The following SLC45A2 variants were observed in gnomAD, a reference collection of about 807,000 sequenced individuals.
SLC45A2 encodes membrane-associated transporter protein.
In SLC45A2, 36 loss-of-function variants were observed where a neutral mutation model predicts 45.5. The observed-to-expected ratio is 0.79, with a 90% confidence interval of 0.61 to 1.04. The LOEUF is 1.04. Among genes scored for constraint, SLC45A2 ranks in the 50% least tolerant of loss-of-function variants. The pLI, the probability that SLC45A2 is intolerant of heterozygous loss-of-function variation, is 0.00. For missense variants in SLC45A2, 719 were observed against 671.0 expected (o/e 1.07, Z -0.79); for synonymous variants, 306 against 269.3 (o/e 1.14, Z -1.33).
At chr5:33,968,512 T>G (rs1053942224) in intron 2 of SLC45A2, among the ~76,000 whole-genome samples, 4 of 152,192 alleles carry the variant, frequency 2.6e-5, no homozygotes, top group Non-Finnish European at 5.9e-5. Flanking sequence ...CCAGGCTGTG[T>G]TGTCAAACTC....
At chr5:33,963,107 C>G (rs746441615) in intron 3 of SLC45A2, among the ~76,000 whole-genome samples, 1 of 152,074 alleles carries the variant, frequency 6.6e-6, no homozygotes. Flanking sequence ...TTTAAATAGC[C>G]CCACGGGATT....
chr5:33,968,680 C>G (rs1291769139), intron 2 of SLC45A2, among the ~76,000 whole-genome samples: 4 of 152,154 alleles, frequency 2.6e-5, no homozygotes, highest in African/African-American at 4.8e-5. Context: ...AATTGGTAAA[C>G]TGTCAGTACC....
At chr5:33,969,507 C>G (rs1752720223) in intron 2 of SLC45A2, among the ~76,000 whole-genome samples, 1 of 152,094 alleles carries the variant, frequency 6.6e-6, no homozygotes, top group Non-Finnish European at 1.5e-5. Flanking sequence ...TAAGCTGGGC[C>G]AGGATGCCTC....
intron 3 of SLC45A2, among the ~76,000 whole-genome samples, chr5:33,961,662 G>C (rs577205938): frequency 1.3e-5 from 2 of 152,132 alleles, no homozygotes; most frequent in African/African-American, 4.8e-5. Context: ...GCCATTTGTG[G>C]CCACCTTGGA....
intron 3 of SLC45A2, among the ~76,000 whole-genome samples, chr5:33,956,867 T>C (rs1752292459): frequency 3.9e-5 from 6 of 152,202 alleles, no homozygotes; most frequent in Admixed American, 3.3e-4. Flanking sequence ...CTTACAAAAG[T>C]AAGCAATGAA....
chr5:33,952,017 A>G (rs948649813), intron 4 of SLC45A2, among the ~76,000 whole-genome samples: 3 of 152,146 alleles, frequency 2.0e-5, no homozygotes, highest in Admixed American at 1.3e-4. Context: ...CACATGGGCC[A>G]TTCCTGTTCC....
rs542959171 is a variant in SLC45A2 at position 33,945,015 on chromosome 5, C to T, written c.1369-143G>A. 1.2e-4 allele frequency: 95 copies of T among 797,426 alleles called. No homozygotes were observed. The East Asian group carries it at 2.3e-3, about 19-fold the overall frequency. 49.4% of individuals were successfully genotyped at this position (797,426 alleles called of 1,614,324 possible). A position where few individuals can be genotyped will look rare whatever the true frequency, so the allele number is the denominator to read the frequency against. The stretch of plus-strand genomic sequence containing the variant: ...TACAGCCCTGGTCATAACTACTCAA[C>T]TCTGCTGCTGTAGTGCAAAAGCAGG... On this transcript the variant is annotated intron_variant, in intron 6 of 6. Coordinates refer to ENST00000296589, the MANE Select transcript of SLC45A2 (RefSeq NM_016180.5).
intron 2 of SLC45A2, among the ~76,000 whole-genome samples, chr5:33,980,329 T>C (rs1753039055): frequency 6.6e-6 from 1 of 151,858 alleles, no homozygotes; most frequent in Non-Finnish European, 1.5e-5. Flanking sequence ...ACTGCCATCA[T>C]GGCCAGTTTC....
chr5:33,963,889 A>T lies in SLC45A2; in HGVS notation c.690T>A (p.Phe230Leu), dbSNP rs970212120. Residue 230 changes from phenylalanine (F) to leucine (L), a missense_variant, in exon 3 of 7, where the codon TTT (phenylalanine) becomes TTA (leucine). Transcript: ENST00000296589. ...FFSALVLTLC[F>L]TVHLCSISEA... ...CAGAGATACTGCACAGATGAACAGT[A>T]AAACACAAAGTGAGCACCAATGCAG... The T allele has an allele frequency of 2.5e-6, 4 of 1,614,070 alleles. No homozygotes were observed. The highest frequency in any genetic ancestry group is 3.4e-6 in the Non-Finnish European group (4 of 1,180,032).
chr5:33,969,044 A>ACTCTCT (rs11272324), intron 2 of SLC45A2, among the ~76,000 whole-genome samples: 88 of 90,458 alleles, frequency 9.7e-4, no homozygotes, highest in African/African-American at 2.1e-3. Flanking sequence ...AGTACCAGCT[A>ACTCTCT]CTCTCTCTCT....
rs146054661 is a variant in SLC45A2 at position 33,963,766 on chromosome 5, G to A, written c.813C>T (p.Ile271=). The A allele has an allele frequency of 2.4e-5, 38 of 1,613,956 alleles. No homozygotes were observed. The highest frequency in any genetic ancestry group is 6.6e-5 in the South Asian group (6 of 91,080). Residue 271 remains isoleucine (I), a synonymous_variant, in exon 3 of 7, where the codon ATC becomes ATT. Transcript: ENST00000296589. ...TTACGTAACCATTTTTAACTTTCTC[G>A]ATAGAACCATACTCGTACATTCCAT... ...SSDGMYEYGS[I]EKVKNGYVNP...
At chr5:33,947,000 G>A in intron 6 of SLC45A2, 163 bp downstream of exon 6, 1 of 1,574,456 alleles carries the variant, frequency 6.4e-7, no homozygotes, top group Non-Finnish European at 8.6e-7. Flanking sequence ...GGGCTGGTGA[G>A]CATGCCTGTA....
intron 2 of SLC45A2, among the ~76,000 whole-genome samples, chr5:33,979,984 T>C (rs1241910650): frequency 6.6e-6 from 1 of 152,196 alleles, no homozygotes; most frequent in Non-Finnish European, 1.5e-5. Context: ...TCTAATACAA[T>C]TGTAAGCTGG....
intron 2 of SLC45A2, among the ~76,000 whole-genome samples, chr5:33,975,407 G>C (rs1391286380): frequency 1.3e-5 from 2 of 152,204 alleles, no homozygotes; most frequent in African/African-American, 4.8e-5. Context: ...AATCTTGCAG[G>C]AGGGGTAGAT....
Position 33,944,741 on chromosome 5 carries a change from T to C in SLC45A2, c.1500A>G (p.Thr500=), listed in dbSNP as rs752541295. 5 of 1,614,170 alleles carry C rather than the reference T, an allele frequency of 3.1e-6. No homozygotes were observed. In the Admixed American group the frequency reaches 8.3e-5, roughly 27 times the overall value. ...TCACCACGACGACAACGGTCCCGGCTGTGTTGACCAGAAAGCCCAGGCCAC... is the reference window on the plus strand; with the variant it reads ...TCACCACGACGACAACGGTCCCGGCCGTGTTGACCAGAAAGCCCAGGCCAC... ...VGGGLGFLVN[T]AGTVVVVVIT... Residue 500 remains threonine, a synonymous_variant, in exon 7 of 7, where the codon ACA becomes ACG. Transcript: ENST00000296589.
chr5:33,949,731 T>G (rs1752041191), intron 5 of SLC45A2, among the ~76,000 whole-genome samples: 1 of 152,158 alleles, frequency 6.6e-6, no homozygotes, highest in African/African-American at 2.4e-5. Context: ...ACTAATAATT[T>G]CTTTTGTAAC....
In SLC45A2 at chr5:33,962,336, A is replaced by G. The variant is rs188643286; in HGVS notation, c.888+1355T>C. On this transcript the variant is annotated intron_variant, in intron 3 of 6. Transcript: ENST00000296589. ...CAAGCTGTTTGTTAAATGAATAATG[A>G]TTATAATGTATTGATATATTTATGT... Among the ~76,000 whole-genome samples, 193 of 152,334 alleles carry G rather than the reference A, an allele frequency of 1.3e-3. 1 individual carries two copies. Among genetic ancestry groups the G allele is most frequent in the Admixed American group, 2.2e-3 (34 of 15,304 alleles).
chr5:33,955,406 G>C (rs1389368975), intron 3 of SLC45A2, among the ~76,000 whole-genome samples: 1 of 152,136 alleles, frequency 6.6e-6, no homozygotes, highest in Non-Finnish European at 1.5e-5. Flanking sequence ...AGCTTACCCA[G>C]GCTTCTGATC....
rs149963213 is a variant in SLC45A2 at position 33,962,388 on chromosome 5, C to T, written c.888+1303G>A. On this transcript the variant is annotated intron_variant, in intron 3 of 6. Transcript: ENST00000296589. Reference sequence around the variant, plus strand: ...AAGTTTGAAAAAGTGTCTTTGTATGCTTTATCTTAGTTGAACATCCTAATA... The same window carrying T: ...AAGTTTGAAAAAGTGTCTTTGTATGTTTTATCTTAGTTGAACATCCTAATA... 2.2e-4 allele frequency among the ~76,000 whole-genome samples: 33 copies of T among 152,272 alleles called. No homozygotes were observed. In the East Asian group the frequency reaches 6.4e-3, roughly 29 times the overall value.
Sources: gnomAD v4.1 joint callset for allele counts (sites outside exome capture counted in the v4.1 genomes callset) on GRCh38, gnomAD v4.1.1 for gene constraint, MANE v1.5 for transcripts, NCBI Gene and HGNC (gene_info 2026-07-23, HGNC 2026-07-21) for gene names.